IGSF3: variants seen among roughly 807,000 people sequenced by gnomAD.
IGSF3 encodes glu-Trp-Ile EWI motif-containing protein 3.
Under a neutral mutation model 114.4 loss-of-function variants are expected in IGSF3, and 23 were observed. The observed-to-expected ratio is 0.20, with a 90% CI of 0.14 to 0.28. The LOEUF (loss-of-function observed/expected upper bound fraction) is 0.28. Among genes scored for constraint, IGSF3 ranks in the 10% least tolerant of loss-of-function variants. IGSF3 has a pLI of 1.00. For missense variants in IGSF3, 1,172 were observed against 1,591.5 expected, an observed-to-expected ratio of 0.74 and a Z score of 4.48; for synonymous variants, 571 against 645.2, an observed-to-expected ratio of 0.88 and a Z score of 1.74.
chr1:116,663,738 C>T (rs1026387313), intron 2 of IGSF3, among the ~76,000 whole-genome samples: 1 of 152,096 alleles, frequency 6.6e-6, no homozygotes. Flanking sequence ...AAAGCGTCTC[C>T]GAGATTTACC....
Position 116,633,947 on chromosome 1 carries a change from T to C in IGSF3, c.44-17490A>G, listed in dbSNP as rs1434519675. Reference sequence around the variant, plus strand: ...AGATGGGTCTGGAGAGGGCTGTTCATGCTATGGAAGGGCCTCTATGCCATC... The same window carrying C: ...AGATGGGTCTGGAGAGGGCTGTTCACGCTATGGAAGGGCCTCTATGCCATC... On this transcript the variant is annotated intron_variant, in intron 2 of 10. Coordinates refer to ENST00000369486, the MANE Select transcript of IGSF3 (RefSeq NM_001007237.3). This position sits in a 1 kb window ranked among gnomAD's most constrained non-coding sequence, Gnocchi z 4.3. 1.3e-5 allele frequency among the ~76,000 whole-genome samples: 2 copies of C among 152,194 alleles called. No homozygotes were observed.
rs1172991471 is a variant in IGSF3 at position 116,655,965 on chromosome 1, T to A, written c.43+10319A>T. ...CTTGCTCTCCTGATACAGCAAAATTTATTGTTATATAGTTATTGAAGGAGG... is the reference window on the plus strand; with the variant it reads ...CTTGCTCTCCTGATACAGCAAAATTAATTGTTATATAGTTATTGAAGGAGG... On this transcript the variant is annotated intron_variant, in intron 2 of 10. Coordinates refer to ENST00000369486, the MANE Select transcript of IGSF3 (RefSeq NM_001007237.3). This position sits in a 1 kb window ranked among gnomAD's most constrained non-coding sequence, Gnocchi z 4.3. Among the ~76,000 whole-genome samples the A allele has an allele frequency of 1.3e-5, 2 of 152,198 alleles. No homozygotes were observed. The highest frequency in any genetic ancestry group is 2.9e-5 in the Non-Finnish European group (2 of 68,034).
At position 116,616,510 on chromosome 1, in the gene IGSF3, T is replaced by C. The variant is rs1248021960; in HGVS notation, c.44-53A>G. On this transcript the variant is annotated intron_variant, in intron 2 of 10. Transcript: ENST00000369486. The surrounding 1 kb of genome is among the most constrained non-coding windows in gnomAD (Gnocchi z 6.6). ...TGCTTACTTACTTCTCAGACCAAAA[T>C]GCAAAGTAGCCAGCAATCTCCAAAG... The C allele has an allele frequency of 2.0e-6, 3 of 1,503,530 alleles. No homozygotes were observed. In the Admixed American group the frequency reaches 5.9e-5, roughly 29 times the overall value. The allele number at this position is 1,503,530 out of a possible 1,614,324, so 93.1% of individuals were successfully genotyped here.
At position 116,585,652 on chromosome 1, in the gene IGSF3, T is replaced by A. The variant is rs1437428318; in HGVS notation, c.2441-600A>T. 6.6e-6 allele frequency among the ~76,000 whole-genome samples: 1 copy of A among 152,164 alleles called. No homozygotes were observed. The highest frequency in any genetic ancestry group is 1.5e-5 in the Non-Finnish European group (1 of 68,040). On this transcript the variant is annotated intron_variant, in intron 8 of 10. Coordinates refer to ENST00000369486, the MANE Select transcript of IGSF3 (RefSeq NM_001007237.3). This position sits in a 1 kb window ranked among gnomAD's most constrained non-coding sequence, Gnocchi z 4.9. ...GTAAAGAAAAGACTGCCAGACAAGG[T>A]GGCTCACGCCTGTAATCCCAGCACT... is the stretch of plus-strand genomic sequence containing the variant.
chr1:116,604,081 C>T lies in IGSF3; in HGVS notation c.1223-56G>A. On this transcript the variant is annotated intron_variant, in intron 5 of 10. Transcript: ENST00000369486. ...GGCTTTATGGTCTCCACAGCGCCCTCCCCACAGAGGAAACAGGAGAAGGGG... is the reference window on the plus strand; with the variant it reads ...GGCTTTATGGTCTCCACAGCGCCCTTCCCACAGAGGAAACAGGAGAAGGGG... 10 of 1,387,814 alleles carry T rather than the reference C, an allele frequency of 7.2e-6. No individual in the cohort carries two copies. The South Asian group carries it at 1.2e-4, about 17-fold the overall frequency. The allele number at this position is 1,387,814 out of a possible 1,614,324, so 86.0% of individuals were successfully genotyped here.
rs1224919792 is a variant in IGSF3 at position 116,642,422 on chromosome 1, C to T, written c.43+23862G>A. Reference sequence around the variant, plus strand: ...CAGCTGGAACAGGGCAGACCTGAGGCGGGAGTCCCCACGCTTAGGGGAAGG... The same window carrying T: ...CAGCTGGAACAGGGCAGACCTGAGGTGGGAGTCCCCACGCTTAGGGGAAGG... On this transcript the variant is annotated intron_variant, in intron 2 of 10. Coordinates refer to ENST00000369486, the MANE Select transcript of IGSF3 (RefSeq NM_001007237.3). The surrounding 1 kb of genome is among the most constrained non-coding windows in gnomAD (Gnocchi z 5.4). Among the ~76,000 whole-genome samples the T allele has an allele frequency of 6.6e-6, 1 of 152,072 alleles. No individual in the cohort carries two copies. The highest frequency in any genetic ancestry group is 1.5e-5 in the Non-Finnish European group (1 of 68,014).
intron 7 of IGSF3, among the ~76,000 whole-genome samples, chr1:116,597,465 A>G (rs1296345474): frequency 2.6e-5 from 4 of 152,224 alleles, no homozygotes; most frequent in East Asian, 1.9e-4. Flanking sequence ...CTGGTGCCTC[A>G]GCTGCCCTCT....
rs1661226710 is a variant in IGSF3, at chr1:116,616,537, G to T, written c.44-80C>A. The T allele has an allele frequency of 7.8e-7, 1 of 1,284,718 alleles. No homozygotes were observed. The allele number at this position is 1,284,718 out of a possible 1,614,324, so 79.6% of individuals were successfully genotyped here. On this transcript the variant is annotated intron_variant, in intron 2 of 10. Transcript: ENST00000369486. This position sits in a 1 kb window ranked among gnomAD's most constrained non-coding sequence, Gnocchi z 6.6. Reference sequence around the variant, plus strand: ...CAAAGTAGCCAGCAATCTCCAAAGGGTTTGTTATTTGTGTGACATGATAAT... The same window carrying T: ...CAAAGTAGCCAGCAATCTCCAAAGGTTTTGTTATTTGTGTGACATGATAAT...
In IGSF3 at chr1:116,576,187, C is replaced by T. The variant is rs1172170677; in HGVS notation, c.*1125G>A. ...AACACCAGGCCCTGGAAACCCCCCT[C>T]CCACCCCTCACTGTCCCACCAAACT... On this transcript the variant is annotated 3_prime_UTR_variant, in exon 11 of 11. Coordinates refer to ENST00000369486, the MANE Select transcript of IGSF3 (RefSeq NM_001007237.3). This position sits in a 1 kb window ranked among gnomAD's most constrained non-coding sequence, Gnocchi z 4.6. The T allele has an allele frequency of 6.6e-6, 1 of 152,642 alleles. No homozygotes were observed. Among genetic ancestry groups the T allele is most frequent in the East Asian group, 1.9e-4 (1 of 5,196 alleles). The allele number at this position is 152,642 out of a possible 1,614,324, so 9.5% of individuals were successfully genotyped here.
Position 116,662,341 on chromosome 1 carries a change from G to A in IGSF3, c.43+3943C>T, listed in dbSNP as rs889861028. Among the ~76,000 whole-genome samples the A allele has an allele frequency of 4.6e-5, 7 of 152,068 alleles. No homozygotes were observed. The highest frequency in any genetic ancestry group is 7.4e-5 in the Non-Finnish European group (5 of 68,012). Reference sequence around the variant, plus strand: ...CCGCCTCAGCCTCCCAAAGTGCTGCGGTTACAAGCATGAGCCACCATGCCC... The same window carrying A: ...CCGCCTCAGCCTCCCAAAGTGCTGCAGTTACAAGCATGAGCCACCATGCCC... On this transcript the variant is annotated intron_variant, in intron 2 of 10. Transcript: ENST00000369486. This position sits in a 1 kb window ranked among gnomAD's most constrained non-coding sequence, Gnocchi z 4.3.
intron 2 of IGSF3, among the ~76,000 whole-genome samples, chr1:116,619,434 C>T (rs1008747735): frequency 1.6e-4 from 25 of 152,168 alleles, no homozygotes; most frequent in Non-Finnish European, 2.4e-4. Context: ...ATAAACAATC[C>T]AGACAAATAA....
rs146620936 is a variant in IGSF3, at chr1:116,662,228, G to C, written c.43+4056C>G. On this transcript the variant is annotated intron_variant, in intron 2 of 10. Coordinates refer to ENST00000369486, the MANE Select transcript of IGSF3 (RefSeq NM_001007237.3). This position sits in a 1 kb window ranked among gnomAD's most constrained non-coding sequence, Gnocchi z 4.3. ...TGGGATTACAGGAATGTGCCACCATGCTCGGCTAATTTTTGTATTTTTAGT... is the reference window on the plus strand; with the variant it reads ...TGGGATTACAGGAATGTGCCACCATCCTCGGCTAATTTTTGTATTTTTAGT... 7.5e-3 allele frequency among the ~76,000 whole-genome samples: 1,147 copies of C among 152,150 alleles called. 4 individuals carry two copies. The highest frequency in any genetic ancestry group is 0.012 in the Non-Finnish European group (834 of 67,996).
intron 2 of IGSF3, among the ~76,000 whole-genome samples, chr1:116,641,658 G>C (rs537533558): frequency 1.3e-5 from 2 of 152,182 alleles, no homozygotes; most frequent in South Asian, 4.1e-4. Flanking sequence ...CAGCCGTTCA[G>C]AACAGGCAGA....
chr1:116,600,305 C>A lies in IGSF3; in HGVS notation c.1665G>T (p.Gly555=). ...AGTCAAAGGAGTCGCTGTAGGTCAC[C>A]CCCGGTGTCCGGGAGATGGCTGTGA... ...FAVTAISRTP[G]VTYSDSFDLQ... is the part of the protein sequence containing the mutation. The change falls in exon 7 of 11, where the codon GGG becomes GGT. Residue 555 remains glycine, a synonymous_variant. Transcript: ENST00000369486. The surrounding 1 kb of genome is among the most constrained non-coding windows in gnomAD (Gnocchi z 5.5). 2 of 1,612,260 alleles carry A rather than the reference C, an allele frequency of 1.2e-6. No homozygotes were observed. Among genetic ancestry groups the A allele is most frequent in the Non-Finnish European group, 1.7e-6 (2 of 1,179,022 alleles).
chr1:116,626,906 G>A (rs1391099521), intron 2 of IGSF3, among the ~76,000 whole-genome samples: 1 of 152,158 alleles, frequency 6.6e-6, no homozygotes, highest in African/African-American at 2.4e-5. Context: ...CATGCCCACA[G>A]CCACAGGAAT....
At chr1:116,590,086 G>T (rs1432739267) in intron 7 of IGSF3, among the ~76,000 whole-genome samples, 2 of 151,964 alleles carry the variant, frequency 1.3e-5, no homozygotes, top group Non-Finnish European at 2.9e-5. Context: ...GGCTTCCTCT[G>T]GGGGAGTGAG....
chr1:116,640,935 C>T (rs1648063236), intron 2 of IGSF3, among the ~76,000 whole-genome samples: 1 of 152,186 alleles, frequency 6.6e-6, no homozygotes, highest in South Asian at 2.1e-4. Context: ...TGAAATGGTG[C>T]CTTCTTGGTA....
intron 5 of IGSF3, chr1:116,606,596 C>G (rs754646327): frequency 1.3e-5 from 10 of 765,498 alleles, no homozygotes; most frequent in Non-Finnish European, 2.4e-5. Context: ...AACAAGTTCT[C>G]AGAAGGGGTT....
Position 116,632,358 on chromosome 1 carries a change from GA to G in IGSF3, c.44-15902del, listed in dbSNP as rs1647629217. Among the ~76,000 whole-genome samples, 2 of 152,154 alleles carry G rather than the reference GA, an allele frequency of 1.3e-5. No individual in the cohort carries two copies. The highest frequency in any genetic ancestry group is 2.9e-5 in the Non-Finnish European group (2 of 68,036). The stretch of plus-strand genomic sequence containing the variant: ...CAGATGAGATATGGATCTGTGGGGG[GA>G]AGAAGGGGTGGGCGTGCTAGCATCT... On this transcript the variant is annotated intron_variant, in intron 2 of 10. Transcript: ENST00000369486. The surrounding 1 kb of genome is among the most constrained non-coding windows in gnomAD (Gnocchi z 5.1).
Sources: gnomAD v4.1 joint callset for allele counts (sites outside exome capture counted in the v4.1 genomes callset) on GRCh38, gnomAD v4.1.1 for gene constraint, Gnocchi (gnomAD v3.1) non-coding constraint, MANE v1.5 for transcripts, NCBI Gene and HGNC (gene_info 2026-07-23, HGNC 2026-07-21) for gene names.